YLPM1: variants seen among roughly 807,000 people sequenced by gnomAD.
The protein encoded by YLPM1 is YLP motif containing 1.
A neutral mutation model predicts 230.0 loss-of-function variants in YLPM1; 99 were observed. That is an observed-to-expected ratio of 0.43 (90% CI 0.37 to 0.51). The LOEUF (loss-of-function observed/expected upper bound fraction) is 0.51, where lower values mean the gene tolerates loss of function less well. Ranked by LOEUF, YLPM1 falls within the 20% of genes least tolerant of loss-of-function variation. The probability of loss-of-function intolerance (pLI) is 0.00; values close to 1 mark genes in which losing one functional copy is unlikely to be tolerated. For missense variants in YLPM1, 2,592 were observed against 2,707.7 expected (o/e 0.96, Z 0.95); for synonymous variants, 984 against 942.5 (o/e 1.04, Z -0.81).
chr14:74,809,479 A>C lies in YLPM1; in HGVS notation c.4621A>C (p.Arg1541=). Residue 1541 remains arginine (R), a synonymous_variant, in exon 7 of 21, where the codon AGG becomes CGG. Coordinates refer to ENST00000325680, the MANE Select transcript of YLPM1 (RefSeq NM_019589.3). ...AGCAAGATCATCTGTTCCTGTGACC[A>C]GGCCACCTGTCCCAATACCACCACC... The part of the protein sequence containing the change: ...PPARSSVPVT[R]PPVPIPPPPP... The C allele has an allele frequency of 6.3e-7, 1 of 1,588,154 alleles. No individual in the cohort carries two copies. Among genetic ancestry groups the C allele is most frequent in the South Asian group, 1.1e-5 (1 of 87,778 alleles).
In YLPM1 at chr14:74,835,379, G is replaced by A; in HGVS notation, c.6409G>A (p.Glu2137Lys). Residue 2137 changes from glutamate (E) to lysine (K), a missense_variant, in exon 20 of 21, where the codon GAA (glutamate) becomes AAA (lysine). Physicochemically the swap from Glu to Lys is moderately conservative, Grantham distance 56. Coordinates refer to ENST00000325680, the MANE Select transcript of YLPM1 (RefSeq NM_019589.3). ...KITDESGHLA[E>K]KALNRTKYI is the part of the protein sequence containing the mutation. ...CACAGATGAAAGTGGTCACCTGGCT[G>A]AAAAAGCCCTCAATCGAACCAAATA... is the stretch of plus-strand genomic sequence containing the variant. 1 of 1,613,634 alleles carries A rather than the reference G, an allele frequency of 6.2e-7. No individual in the cohort carries two copies. The highest frequency in any genetic ancestry group is 2.2e-5 in the East Asian group (1 of 44,862).
rs771179072 is a variant in YLPM1 at position 74,835,905 on chromosome 14, A to G, written c.*167A>G. ...TTTTTAAAGTTCTCCAGTGTCCCCAAGAGGTATTAGAATCTTGCTGTACCC... is the reference window on the plus strand; with the variant it reads ...TTTTTAAAGTTCTCCAGTGTCCCCAGGAGGTATTAGAATCTTGCTGTACCC... On this transcript the variant is annotated 3_prime_UTR_variant, in exon 21 of 21. Coordinates refer to ENST00000325680, the MANE Select transcript of YLPM1 (RefSeq NM_019589.3). The G allele has an allele frequency of 4.4e-6, 2 of 456,078 alleles. No homozygotes were observed. Among genetic ancestry groups the G allele is most frequent in the South Asian group, 1.5e-5 (1 of 64,518 alleles). The allele number at this position is 456,078 out of a possible 1,614,324, so 28.3% of individuals were successfully genotyped here.
intron 6 of YLPM1, among the ~76,000 whole-genome samples, chr14:74,808,137 A>G (rs906859864): frequency 2.0e-5 from 3 of 152,214 alleles, no homozygotes; most frequent in African/African-American, 7.2e-5. Flanking sequence ...TCACTGCACC[A>G]GTTTACAGTT....
At position 74,798,459 on chromosome 14, in the gene YLPM1, A is replaced by T. The variant is rs1050960051; in HGVS notation, c.3162A>T (p.Gln1054His). 2 of 1,613,836 alleles carry T rather than the reference A, an allele frequency of 1.2e-6. No homozygotes were observed. Among genetic ancestry groups the T allele is most frequent in the African/African-American group, 2.7e-5 (2 of 74,906 alleles). ...AISRGPGLVK[Q>H]EDFRDKMMGR... Reference sequence around the variant, plus strand: ...GTCGAGGCCCAGGATTGGTCAAGCAAGAAGACTTTCGGGATAAGATGATGG... The same window carrying T: ...GTCGAGGCCCAGGATTGGTCAAGCATGAAGACTTTCGGGATAAGATGATGG... Residue 1054 changes from glutamine (Q) to histidine (H), a missense_variant, in exon 5 of 21, where the codon CAA becomes CAT. By Grantham distance (24) the Gln-to-His change is conservative (BLOSUM62 0). Transcript: ENST00000325680.
intron 5 of YLPM1, among the ~76,000 whole-genome samples, chr14:74,801,347 C>G (rs532171846): frequency 1.3e-5 from 2 of 152,196 alleles, no homozygotes; most frequent in East Asian, 3.9e-4. Context: ...TTGACCCTTA[C>G]TTTGTGGTCC....
At position 74,763,330 on chromosome 14, in the gene YLPM1, GC is replaced by G; in HGVS notation, c.-157del. ...CGCGTCCCCGCCTTCCCGGTCGCGG[GC>G]CCAGCTCGGGAGCGCCGGCGCACTG... On this transcript the variant is annotated 5_prime_UTR_variant, in exon 1 of 21. Transcript: ENST00000325680. The G allele has an allele frequency of 1.2e-6, 1 of 822,948 alleles. No homozygotes were observed. Among genetic ancestry groups the G allele is most frequent in the Admixed American group, 4.3e-5 (1 of 23,306 alleles). The allele number at this position is 822,948 out of a possible 1,614,324, so 51.0% of individuals were successfully genotyped here.
chr14:74,800,303 T>A (rs915084807), intron 5 of YLPM1, among the ~76,000 whole-genome samples: 8 of 152,254 alleles, frequency 5.3e-5, no homozygotes, highest in Admixed American at 1.3e-4. Flanking sequence ...AAAATAGGAT[T>A]TCTTGACTTA....
At chr14:74,826,133 T>A (rs1473690536) in intron 18 of YLPM1, among the ~76,000 whole-genome samples, 3 of 152,126 alleles carry the variant, frequency 2.0e-5, no homozygotes, top group African/African-American at 7.2e-5. Flanking sequence ...ACAGTCGGGT[T>A]TTTATTTTTT....
chr14:74,812,900 C>T (rs1446830156), intron 11 of YLPM1, 118 bp downstream of exon 11: 13 of 1,284,436 alleles, frequency 1.0e-5, no homozygotes, highest in African/African-American at 3.0e-5. Flanking sequence ...AGATTCAAGA[C>T]GTTTTACTAT....
At chr14:74,765,896 A>G (rs928041437) in intron 1 of YLPM1, among the ~76,000 whole-genome samples, 3 of 152,146 alleles carry the variant, frequency 2.0e-5, no homozygotes, top group Non-Finnish European at 4.4e-5. Flanking sequence ...GGAAAATGAG[A>G]CTTGTGGTGC....
chr14:74,823,222 G>A (rs767582317), intron 17 of YLPM1, among the ~76,000 whole-genome samples: 1 of 151,966 alleles, frequency 6.6e-6, no homozygotes, highest in Non-Finnish European at 1.5e-5. Context: ...CTTTACCTGT[G>A]TGTCAGTTTG....
At chr14:74,821,284 G>A (rs2091518259) in intron 17 of YLPM1, 147 bp downstream of exon 17, 4 of 1,210,364 alleles carry the variant, frequency 3.3e-6, no homozygotes, top group Non-Finnish European at 3.3e-6. Context: ...GAGACTTTTG[G>A]ATACTCTTTA....
intron 11 of YLPM1, among the ~76,000 whole-genome samples, chr14:74,815,266 A>G (rs892958215): frequency 1.3e-5 from 2 of 152,082 alleles, no homozygotes; most frequent in East Asian, 1.9e-4. Context: ...GAGTTCATCA[A>G]TTTTGTTGAT....
chr14:74,810,402 G>A lies in YLPM1; in HGVS notation c.5210G>A (p.Arg1737His). 2 of 1,613,328 alleles carry A rather than the reference G, an allele frequency of 1.2e-6. No individual in the cohort carries two copies. Among genetic ancestry groups the A allele is most frequent in the African/African-American group, 1.3e-5 (1 of 74,778 alleles). ...DYDRDRFDRE[R>H]RPRDDRAQSY... ...GACCGGGATCGATTTGACAGAGAAC[G>A]CCGACCCCGAGATGATAGGTATGCT... Residue 1737 changes from arginine (R) to histidine (H), a missense_variant, in exon 9 of 21, where the codon CGC (arginine) becomes CAC (histidine). Coordinates refer to ENST00000325680, the MANE Select transcript of YLPM1 (RefSeq NM_019589.3).
chr14:74,801,462 GA>G (rs1343297189), intron 5 of YLPM1, among the ~76,000 whole-genome samples: 1 of 152,010 alleles, frequency 6.6e-6, no homozygotes. Flanking sequence ...TAGGCATTGT[GA>G]AAAAAAGTAA....
chr14:74,782,648 CATTT>C (rs1371482265), intron 4 of YLPM1, among the ~76,000 whole-genome samples: 2 of 152,034 alleles, frequency 1.3e-5, no homozygotes, highest in Admixed American at 6.6e-5. Flanking sequence ...CTTTTTCATT[CATTT>C]GACAAATAAT....
At chr14:74,771,276 T>A (rs1484938865) in intron 1 of YLPM1, among the ~76,000 whole-genome samples, 2 of 152,100 alleles carry the variant, frequency 1.3e-5, no homozygotes, top group Non-Finnish European at 2.9e-5. Flanking sequence ...AGACATAGAT[T>A]TATAAGTCAT....
chr14:74,784,879 T>A (rs1237696726), intron 4 of YLPM1, among the ~76,000 whole-genome samples: 1 of 152,234 alleles, frequency 6.6e-6, no homozygotes, highest in Non-Finnish European at 1.5e-5. Flanking sequence ...CATCCTGCTG[T>A]ACTGCTCACT....
rs541114669 is a variant in YLPM1, at chr14:74,818,807, T to C, written c.6030+493T>C. ...TTTCAAAAATCTAAGATTCAATCCTTTAATATAAAATATAGTTTCTCAGCC... is the reference window on the plus strand; with the variant it reads ...TTTCAAAAATCTAAGATTCAATCCTCTAATATAAAATATAGTTTCTCAGCC... On this transcript the variant is annotated intron_variant, in intron 16 of 20. Transcript: ENST00000325680. 1.5e-3 allele frequency among the ~76,000 whole-genome samples: 235 copies of C among 152,330 alleles called. 1 individual carries two copies. The highest frequency in any genetic ancestry group is 6.8e-3 in the Middle Eastern group (2 of 294).
Sources: allele counts gnomAD v4.1 joint callset (sites outside exome capture counted in the v4.1 genomes callset), GRCh38; gene constraint gnomAD v4.1.1; transcripts MANE v1.5; gene names NCBI Gene and HGNC (gene_info 2026-07-23, HGNC 2026-07-21).